MGST1: variants seen among roughly 807,000 people sequenced by gnomAD.
MGST1 encodes the protein microsomal glutathione S-transferase 1.
Under a neutral mutation model 8.9 loss-of-function variants are expected in MGST1, and 5 were observed. That is an observed-to-expected ratio of 0.56 (90% CI 0.29 to 1.19). MGST1 has a LOEUF of 1.19. Among genes scored for constraint, MGST1 ranks in the 50% most tolerant of loss-of-function variants. The probability of loss-of-function intolerance (pLI) is 0.08; values close to 1 mark genes in which losing one functional copy is unlikely to be tolerated. For synonymous variants in MGST1, 54 were observed against 67.8 expected, an observed-to-expected ratio of 0.80 and a Z score of 1.00; for missense variants, 182 against 187.4, an observed-to-expected ratio of 0.97 and a Z score of 0.17.
At chr12:16,442,623 T>G (rs1941048080), downstream of MGST1, among the ~76,000 whole-genome samples, 1 of 151,918 alleles carries the variant, frequency 6.6e-6, no homozygotes. This position sits in a 1 kb window ranked among gnomAD's most constrained non-coding sequence, Gnocchi z 4.5. Context: ...AGCTGGGATC[T>G]GCACTCTTTA....
intron 1 of MGST1, among the ~76,000 whole-genome samples, chr12:16,418,336 C>T (rs538461181): frequency 3.9e-5 from 6 of 152,248 alleles, no homozygotes; most frequent in African/African-American, 1.4e-4. Flanking sequence ...GCATATCCTG[C>T]CACCTCCAGG....
chr12:16,576,746 T>C lies in MGST1; in HGVS notation n.483-12782T>C, dbSNP rs1321385417. 1.3e-5 allele frequency among the ~76,000 whole-genome samples: 2 copies of C among 152,220 alleles called. No individual in the cohort carries two copies. The highest frequency in any genetic ancestry group is 2.9e-5 in the Non-Finnish European group (2 of 68,034). The stretch of plus-strand genomic sequence containing the variant: ...TTAACATTCTTGCATTGTCCAACTA[T>C]ATAGACTGCATACAGGGATTTTACT... On this transcript the variant is annotated intron_variant and non_coding_transcript_variant, in intron 4 of 4. Transcript: ENST00000538857. This position sits in a 1 kb window ranked among gnomAD's most constrained non-coding sequence, Gnocchi z 4.1.
chr12:16,368,564 C>A (rs760068880), downstream of MGST1, among the ~76,000 whole-genome samples: 2 of 152,142 alleles, frequency 1.3e-5, no homozygotes, highest in Non-Finnish European at 2.9e-5. Flanking sequence ...GCTTTATTCA[C>A]TATATATTCT....
At chr12:16,433,898 G>A (rs1940961074) in intron 1 of MGST1, among the ~76,000 whole-genome samples, 1 of 152,036 alleles carries the variant, frequency 6.6e-6, no homozygotes, top group Non-Finnish European at 1.5e-5. Context: ...TAGGAATCCA[G>A]TAGTCCATGT....
downstream of MGST1, among the ~76,000 whole-genome samples, chr12:16,366,086 A>G (rs2160512): frequency 0.6 from 90,757 of 151,908 alleles, 27,914 homozygotes; most frequent in East Asian, 0.96. The surrounding 1 kb of genome is among the most constrained non-coding windows in gnomAD (Gnocchi z 4.0). Flanking sequence ...GGTTATTGTA[A>G]CAGTTATCCA....
intron 4 of MGST1, among the ~76,000 whole-genome samples, chr12:16,470,698 C>A (rs944780464): frequency 1.3e-5 from 2 of 151,984 alleles, no homozygotes; most frequent in Non-Finnish European, 2.9e-5. Flanking sequence ...TTAATATAGC[C>A]TTTTGAACAT....
rs1020543379 is a variant in MGST1 at position 16,362,595 on chromosome 12, T to A, written c.222-1200T>A. ...TCAAATTCTCCATTTCTAGCCTAGA[T>A]TCTAAAGCAATTTCTAATTCTGTAG... is the stretch of plus-strand genomic sequence containing the variant. On this transcript the variant is annotated intron_variant, in intron 3 of 3. Transcript: ENST00000396210. The surrounding 1 kb of genome is among the most constrained non-coding windows in gnomAD (Gnocchi z 4.4). 6.6e-6 allele frequency: 1 copy of A among 152,188 alleles called. No individual in the cohort carries two copies. Among genetic ancestry groups the A allele is most frequent in the Admixed American group, 6.5e-5 (1 of 15,268 alleles). The allele number at this position is 152,188 out of a possible 1,614,324, so 9.4% of individuals were successfully genotyped here.
At chr12:16,483,894 C>G (rs1278194004) in intron 4 of MGST1, among the ~76,000 whole-genome samples, 2 of 152,090 alleles carry the variant, frequency 1.3e-5, no homozygotes, top group Non-Finnish European at 2.9e-5. Context: ...ATAAAATGCA[C>G]AGTACCTTCT....
Position 16,423,879 on chromosome 12 carries a change from G to A in MGST1, n.779-13509G>A, listed in dbSNP as rs980506880. Among the ~76,000 whole-genome samples the A allele has an allele frequency of 7.2e-5, 11 of 152,134 alleles. No individual in the cohort carries two copies. The East Asian group carries it at 2.1e-3, about 29-fold the overall frequency. ...AGGCCCTTTCTGCTATGATTCCCAC[G>A]TGATAGTCTCCTGTCTTGCCTTGTT... On this transcript the variant is annotated intron_variant and non_coding_transcript_variant, in intron 1 of 1. Coordinates refer to the MGST1 transcript ENST00000359720.
intron 1 of MGST1, among the ~76,000 whole-genome samples, chr12:16,391,712 T>TA (rs1185773687): frequency 6.6e-6 from 1 of 152,210 alleles, no homozygotes; most frequent in African/African-American, 2.4e-5. Flanking sequence ...ACTCAGTTGA[T>TA]AGTTTATTTT....
In MGST1 at chr12:16,586,913, C is replaced by T. The variant is rs572124727; in HGVS notation, n.483-2615C>T. ...GTCTCATCTAAATTCATGGAATTCT[C>T]CCCTCTAATAATAGAGTCATGTGAT... On this transcript the variant is annotated intron_variant and non_coding_transcript_variant, in intron 4 of 4. Coordinates refer to the MGST1 transcript ENST00000538857. The surrounding 1 kb of genome is among the most constrained non-coding windows in gnomAD (Gnocchi z 4.3). 8.5e-5 allele frequency among the ~76,000 whole-genome samples: 13 copies of T among 152,250 alleles called. No individual in the cohort carries two copies. Among genetic ancestry groups the T allele is most frequent in the African/African-American group, 2.9e-4 (12 of 41,560 alleles).
In MGST1 at chr12:16,538,397, T is replaced by G. The variant is rs540039449; in HGVS notation, n.483-51131T>G. 5.3e-5 allele frequency among the ~76,000 whole-genome samples: 8 copies of G among 152,248 alleles called. No individual in the cohort carries two copies. The South Asian group carries it at 1.7e-3, about 32-fold the overall frequency. ...AGCCCTCCAAACTCTTCCAACTTCT[T>G]CCTGTTACCCAGTTCCAAAGTCGCT... On this transcript the variant is annotated intron_variant and non_coding_transcript_variant, in intron 4 of 4. Transcript: ENST00000538857.
At chr12:16,530,847 T>C (rs985982008) in intron 4 of MGST1, among the ~76,000 whole-genome samples, 1 of 151,972 alleles carries the variant, frequency 6.6e-6, no homozygotes, top group African/African-American at 2.4e-5. Context: ...ATATATCACA[T>C]GCCTCCCAGC....
chr12:16,436,803 A>C (rs887663791), intron 1 of MGST1, among the ~76,000 whole-genome samples: 1 of 151,990 alleles, frequency 6.6e-6, no homozygotes, highest in African/African-American at 2.4e-5. Flanking sequence ...GCTAGCTAGC[A>C]GCTGAAGCAG....
intron 4 of MGST1, among the ~76,000 whole-genome samples, chr12:16,498,865 T>A (rs1380035801): frequency 6.6e-6 from 1 of 152,152 alleles, no homozygotes; most frequent in Non-Finnish European, 1.5e-5. Context: ...TGACAAGTAT[T>A]GAAGTAGCAA....
At chr12:16,575,985 A>T (rs1373803958) in intron 4 of MGST1, among the ~76,000 whole-genome samples, 1 of 151,820 alleles carries the variant, frequency 6.6e-6, no homozygotes, top group Non-Finnish European at 1.5e-5. Flanking sequence ...CTTAACTTTG[A>T]ATTTGCCTCC....
rs1037310024 is a variant in MGST1 at position 16,513,424 on chromosome 12, C to T, written n.483-76104C>T. 17 of 395,566 alleles carry T rather than the reference C, an allele frequency of 4.3e-5. No homozygotes were observed. Among genetic ancestry groups the T allele is most frequent in the African/African-American group, 1.3e-4 (6 of 47,666 alleles). The allele number at this position is 395,566 out of a possible 1,614,324, so 24.5% of individuals were successfully genotyped here. On this transcript the variant is annotated intron_variant and non_coding_transcript_variant, in intron 4 of 4. Transcript: ENST00000538857. The surrounding 1 kb of genome is among the most constrained non-coding windows in gnomAD (Gnocchi z 4.2). The stretch of plus-strand genomic sequence containing the variant: ...CTCTGCGCTCCAGCTGCGTCGTCTC[C>T]GGGATCGCCGCCGCCTTCCACCCGG...
chr12:16,417,944 C>T (rs974262261), intron 1 of MGST1, among the ~76,000 whole-genome samples: 1 of 152,254 alleles, frequency 6.6e-6, no homozygotes, highest in African/African-American at 2.4e-5. Flanking sequence ...TTCTTAATTA[C>T]TTAATTAAAT....
intron 4 of MGST1, among the ~76,000 whole-genome samples, chr12:16,448,711 A>G (rs1311041609): frequency 6.6e-6 from 1 of 151,904 alleles, no homozygotes; most frequent in Non-Finnish European, 1.5e-5. Context: ...AATTATAGCA[A>G]TTGTTTAAAT....
Sources: allele counts gnomAD v4.1 joint callset (sites outside exome capture counted in the v4.1 genomes callset), GRCh38; gene constraint gnomAD v4.1.1; non-coding constraint Gnocchi (gnomAD v3.1); transcripts MANE v1.5; gene names NCBI Gene and HGNC (gene_info 2026-07-23, HGNC 2026-07-21).